TCN2: variants seen among roughly 807,000 people sequenced by gnomAD.
The protein encoded by TCN2 is transcobalamin 2.
A neutral mutation model predicts 48.6 loss-of-function variants in TCN2; 34 were observed. That is an observed-to-expected ratio of 0.70 (90% CI 0.53 to 0.93). The LOEUF is 0.93. TCN2 is among the 40% of genes least tolerant of loss of function. The pLI, the probability that TCN2 is intolerant of heterozygous loss-of-function variation, is 0.00. For missense variants in TCN2, 652 were observed against 526.1 expected, an observed-to-expected ratio of 1.24 and a Z score of -2.34; for synonymous variants, 283 against 212.5, an observed-to-expected ratio of 1.33 and a Z score of -2.89.
Position 30,617,381 on chromosome 22 carries a change from G to A in TCN2, c.992G>A (p.Ser331Asn), listed in dbSNP as rs779891790. Residue 331 changes from serine to asparagine, a missense_variant, in exon 7 of 9, where the codon AGT (serine) becomes AAT (asparagine). Coordinates refer to ENST00000215838, the MANE Select transcript of TCN2 (RefSeq NM_000355.4). Reference sequence around the variant, plus strand: ...ATTCCTCAGACCCAAGAGATCATCAGTGTCACGCTGCAGGTGCTTAGTCTC... The same window carrying A: ...ATTCCTCAGACCCAAGAGATCATCAATGTCACGCTGCAGGTGCTTAGTCTC... ...ETIPQTQEII[S>N]VTLQVLSLLP... The A allele has an allele frequency of 4.3e-6, 7 of 1,614,170 alleles. No homozygotes were observed. Among genetic ancestry groups the A allele is most frequent in the Non-Finnish European group, 5.1e-6 (6 of 1,180,030 alleles).
intron 8 of TCN2, 81 bp from the exon 9 acceptor site, chr22:30,626,377 CAG>C: frequency 6.9e-7 from 1 of 1,454,660 alleles, no homozygotes. Flanking sequence ...ACTCTAGCCT[CAG>C]GGTGGGGGGT....
chr22:30,612,835 G>T, intron 2 of TCN2, 38 bp from the exon 3 acceptor site: 1 of 1,611,186 alleles, frequency 6.2e-7, no homozygotes, highest in Non-Finnish European at 8.5e-7. Flanking sequence ...TTACGGGGTG[G>T]CAGTTTCTCA....
intron 2 of TCN2, among the ~76,000 whole-genome samples, chr22:30,612,066 A>G (rs1242363253): frequency 6.6e-6 from 1 of 151,906 alleles, no homozygotes. Flanking sequence ...GTGAGACCAC[A>G]TCTCTTAAAA....
At chr22:30,616,578 A>T (rs1194892560) in intron 6 of TCN2, among the ~76,000 whole-genome samples, 1 of 151,554 alleles carries the variant, frequency 6.6e-6, no homozygotes, top group Non-Finnish European at 1.5e-5. Flanking sequence ...AGGCAGATGG[A>T]TTGCCTGAGC....
intron 7 of TCN2, 145 bp from the exon 8 acceptor site, chr22:30,622,823 C>G: frequency 2.5e-6 from 2 of 796,512 alleles, no homozygotes; most frequent in South Asian, 2.9e-5. Flanking sequence ...AGATCACAGA[C>G]CTGTGGCCAG....
chr22:30,608,750 C>G (rs1356190127), intron 1 of TCN2, among the ~76,000 whole-genome samples: 1 of 152,118 alleles, frequency 6.6e-6, no homozygotes, highest in African/African-American at 2.4e-5. Context: ...GGTCTGGGCC[C>G]AGGAACCCCA....
chr22:30,612,923 G>T lies in TCN2; in HGVS notation c.308G>T (p.Gly103Val). The change falls in exon 3 of 9, where the codon GGC (glycine) becomes GTC (valine). Residue 103 changes from glycine (G) to valine (V), a missense_variant. Gly to Val is a moderately radical substitution (Grantham distance 109). Transcript: ENST00000215838. ...GACTGCCAGGGCAAGCCTTCCATGG[G>T]CCAGCTGGCCCTCTACCTGCTCGCT... ...DGDCQGKPSM[G>V]QLALYLLALR... The T allele has an allele frequency of 6.2e-7, 1 of 1,614,172 alleles. No individual in the cohort carries two copies.
At chr22:30,612,245 TAAAAA>T (rs34767507) in intron 2 of TCN2, among the ~76,000 whole-genome samples, 5 of 142,832 alleles carry the variant, frequency 3.5e-5, no homozygotes, top group African/African-American at 7.8e-5. Flanking sequence ...CCTATCTCAG[TAAAAA>T]AAAAAAATAA....
At chr22:30,626,171 G>C (rs902301413) in intron 8 of TCN2, among the ~76,000 whole-genome samples, 6 of 152,178 alleles carry the variant, frequency 3.9e-5, no homozygotes, top group Non-Finnish European at 5.9e-5. Context: ...TCTCTCTCCA[G>C]ACTGCACTGC....
intron 7 of TCN2, among the ~76,000 whole-genome samples, chr22:30,618,706 C>T (rs376348127): frequency 1.4e-4 from 21 of 152,146 alleles, no homozygotes; most frequent in African/African-American, 5.1e-4. Context: ...TGCAGTGGCA[C>T]ATTCATAGCT....
In TCN2 at chr22:30,626,606, C is replaced by G. The variant is rs2087814924; in HGVS notation, c.*85C>G. ...TGATGTCCCTGGAACAGGAACTCGC[C>G]TGACCCTGCTGCCACCTCCTGTGCA... On this transcript the variant is annotated 3_prime_UTR_variant, in exon 9 of 9. Transcript: ENST00000215838. The G allele has an allele frequency of 6.9e-7, 1 of 1,452,638 alleles. No homozygotes were observed. Among genetic ancestry groups the G allele is most frequent in the African/African-American group, 1.4e-5 (1 of 71,918 alleles). The allele number at this position is 1,452,638 out of a possible 1,614,324, so 90.0% of individuals were successfully genotyped here.
In TCN2 at chr22:30,614,299, G is replaced by A. The variant is rs1162105531; in HGVS notation, c.428-50G>A. 7 of 1,596,250 alleles carry A rather than the reference G, an allele frequency of 4.4e-6. No individual in the cohort carries two copies. The East Asian group carries it at 1.6e-4, about 37-fold the overall frequency. On this transcript the variant is annotated intron_variant, in intron 3 of 8. Coordinates refer to ENST00000215838, the MANE Select transcript of TCN2 (RefSeq NM_000355.4). ...AGGGTCCCAGGTGCTGGCGGGGCTG[G>A]CTGCTGGGTGGGGGCAGAGAGGCAA... is the stretch of plus-strand genomic sequence containing the variant.
At chr22:30,617,576 A>AGG in intron 7 of TCN2, 81 bp downstream of exon 7, 1 of 1,584,608 alleles carries the variant, frequency 6.3e-7, no homozygotes. Flanking sequence ...CGGGGAACAG[A>AGG]GGAGAGGGTT....
chr22:30,611,966 G>A (rs988929327), intron 2 of TCN2, among the ~76,000 whole-genome samples: 3 of 152,160 alleles, frequency 2.0e-5, no homozygotes, highest in Non-Finnish European at 4.4e-5. Flanking sequence ...ACTAGGCATA[G>A]TGGCTCATAC....
rs556448689 is a variant in TCN2 at position 30,615,783 on chromosome 22, A to G, written c.936A>G (p.Pro312=). The stretch of plus-strand genomic sequence containing the variant: ...TGATCTTCCCAGACTGTCTGGCACC[A>G]CGAGGTAGCCCAACTTTTTGTGGAA... ...IDLIFPDCLA[P]RVMLEPAAET... is the part of the protein sequence containing the mutation. Residue 312 remains proline (P), a synonymous_variant, in exon 6 of 9, where the codon CCA becomes CCG. Coordinates refer to ENST00000215838, the MANE Select transcript of TCN2 (RefSeq NM_000355.4). 2 of 1,614,184 alleles carry G rather than the reference A, an allele frequency of 1.2e-6. No homozygotes were observed. The highest frequency in any genetic ancestry group is 3.3e-5 in the Admixed American group (2 of 60,016).
At chr22:30,620,227 A>G (rs1351594761) in intron 7 of TCN2, among the ~76,000 whole-genome samples, 1 of 152,126 alleles carries the variant, frequency 6.6e-6, no homozygotes, top group African/African-American at 2.4e-5. Flanking sequence ...CAAGGTGGGC[A>G]GATTACTTGA....
intron 6 of TCN2, among the ~76,000 whole-genome samples, chr22:30,616,646 G>T (rs191059488): frequency 6.6e-6 from 1 of 151,878 alleles, no homozygotes; most frequent in East Asian, 1.9e-4. Context: ...ACTAAAATAC[G>T]AAAGATTAGC....
At chr22:30,621,069 T>G (rs2087690275) in intron 7 of TCN2, among the ~76,000 whole-genome samples, 1 of 152,154 alleles carries the variant, frequency 6.6e-6, no homozygotes, top group South Asian at 2.1e-4. Context: ...CTCGGCTCAC[T>G]GCAACCTCCA....
rs1602045564 is a variant in TCN2, at chr22:30,612,769, C to T, written c.258-104C>T. On this transcript the variant is annotated intron_variant, in intron 2 of 8. Coordinates refer to ENST00000215838, the MANE Select transcript of TCN2 (RefSeq NM_000355.4). ...TTGGAGCTTTTATCAAAGTTTCCCA[C>T]TGTTAAGATTTTTTCCCGCTTTGTG... 5.5e-6 allele frequency: 8 copies of T among 1,450,268 alleles called. No homozygotes were observed. The East Asian group carries it at 9.5e-5, about 17-fold the overall frequency. 89.8% of individuals were successfully genotyped at this position (1,450,268 alleles called of 1,614,324 possible).
Sources: gnomAD v4.1 joint callset for allele counts (sites outside exome capture counted in the v4.1 genomes callset) on GRCh38, gnomAD v4.1.1 for gene constraint, MANE v1.5 for transcripts, NCBI Gene and HGNC (gene_info 2026-07-23, HGNC 2026-07-21) for gene names.